Variants in TMEM132C observed in about 807,000 individuals in gnomAD.
The protein encoded by TMEM132C is transmembrane protein 132C, also known as protein phosphatase 1, regulatory subunit 152.
TMEM132C carries 29 observed loss-of-function variants against 61.4 expected under a neutral mutation model. The ratio of observed to expected loss-of-function variants is 0.47; its 90% CI spans 0.35 to 0.64. The LOEUF is 0.64. Among genes scored for constraint, TMEM132C ranks in the 30% least tolerant of loss-of-function variants. The probability of loss-of-function intolerance (pLI) is 0.00; values close to 1 mark genes in which losing one functional copy is unlikely to be tolerated. For synonymous variants in TMEM132C, 656 were observed against 633.1 expected (o/e 1.04, Z -0.54); for missense variants, 1,408 against 1,476.9 (o/e 0.95, Z 0.76).
intron 1 of TMEM132C, among the ~76,000 whole-genome samples, chr12:128,272,567 T>C (rs562673431): frequency 6.6e-6 from 1 of 152,380 alleles, no homozygotes; most frequent in South Asian, 2.1e-4. Context: ...ACTGTATATA[T>C]AACTTCATAA....
Position 128,414,932 on chromosome 12 carries a change from A to G in TMEM132C, c.286A>G (p.Asn96Asp), listed in dbSNP as rs1260039292. 6.4e-7 allele frequency: 1 copy of G among 1,551,642 alleles called. No individual in the cohort carries two copies. The highest frequency in any genetic ancestry group is 1.4e-5 in the African/African-American group (1 of 73,024). Reference protein sequence around the residue: ...TYKTRQPPVLNASYGPFSVEK... With the variant: ...TYKTRQPPVLDASYGPFSVEK... ...CAAAACCAGGCAGCCCCCAGTGCTCAATGCCAGCTATGGACCCTTTTCTGT... is the reference window on the plus strand; with the variant it reads ...CAAAACCAGGCAGCCCCCAGTGCTCGATGCCAGCTATGGACCCTTTTCTGT... Residue 96 changes from asparagine to aspartate, a missense_variant, in exon 2 of 9, where the codon AAT (asparagine) becomes GAT (aspartate). Transcript: ENST00000435159.
Position 128,326,820 on chromosome 12 carries a change from G to T in TMEM132C, c.85+59333G>T, listed in dbSNP as rs899980728. 1.3e-5 allele frequency among the ~76,000 whole-genome samples: 2 copies of T among 149,776 alleles called. No individual in the cohort carries two copies. The highest frequency in any genetic ancestry group is 2.9e-5 in the Non-Finnish European group (2 of 67,996). On this transcript the variant is annotated intron_variant, in intron 1 of 8. Coordinates refer to ENST00000435159, the MANE Select transcript of TMEM132C (RefSeq NM_001136103.3). The surrounding 1 kb of genome is among the most constrained non-coding windows in gnomAD (Gnocchi z 5.6). ...TATTTTTTTTTTCTTTCTTAACAAC[G>T]TAGTAAAACAGCACTCAGGAATTAA... is the stretch of plus-strand genomic sequence containing the variant.
intron 1 of TMEM132C, among the ~76,000 whole-genome samples, chr12:128,412,744 G>A (rs1281162785): frequency 1.3e-5 from 2 of 152,028 alleles, no homozygotes; most frequent in Non-Finnish European, 2.9e-5. Flanking sequence ...ACCCAGTCTG[G>A]GGTATGTCTT....
At chr12:128,384,581 C>T (rs1874518216) in intron 1 of TMEM132C, among the ~76,000 whole-genome samples, 1 of 152,166 alleles carries the variant, frequency 6.6e-6, no homozygotes. Flanking sequence ...GGTGAGGCCA[C>T]TGTGTTGGGG....
chr12:128,491,241 T>A (rs1871707873), intron 2 of TMEM132C, among the ~76,000 whole-genome samples: 1 of 152,232 alleles, frequency 6.6e-6, no homozygotes, highest in African/African-American at 2.4e-5. Context: ...AGGGGTCAGA[T>A]GAATTTCACC....
chr12:128,278,064 T>C lies in TMEM132C; in HGVS notation c.85+10577T>C, dbSNP rs1193768825. Among the ~76,000 whole-genome samples the C allele has an allele frequency of 1.3e-5, 2 of 152,084 alleles. No homozygotes were observed. The highest frequency in any genetic ancestry group is 6.5e-5 in the Admixed American group (1 of 15,270). ...CCTCAGGTGCTCACCCCCAGGACTG[T>C]GGGATCCCTGGGCTGAGTTGCTAAA... On this transcript the variant is annotated intron_variant, in intron 1 of 8. Transcript: ENST00000435159. This position sits in a 1 kb window ranked among gnomAD's most constrained non-coding sequence, Gnocchi z 4.2.
At chr12:128,414,520 A>G (rs1253142977) in intron 1 of TMEM132C, among the ~76,000 whole-genome samples, 1 of 152,082 alleles carries the variant, frequency 6.6e-6, no homozygotes, top group Non-Finnish European at 1.5e-5. Flanking sequence ...TCATTTTCAT[A>G]TGTTTCAACC....
intron 1 of TMEM132C, among the ~76,000 whole-genome samples, chr12:128,378,725 G>A (rs561828091): frequency 2.0e-5 from 3 of 152,166 alleles, no homozygotes; most frequent in South Asian, 4.2e-4. Context: ...TCCTCTGCTC[G>A]GGACAGCAAG....
chr12:128,341,809 C>T (rs893056744), intron 1 of TMEM132C, among the ~76,000 whole-genome samples: 10 of 152,164 alleles, frequency 6.6e-5, no homozygotes, highest in Non-Finnish European at 1.3e-4. Flanking sequence ...GCCCCTGCAC[C>T]ATTTCACTAC....
chr12:128,600,172 C>T (rs561111545), intron 3 of TMEM132C, among the ~76,000 whole-genome samples: 17 of 152,010 alleles, frequency 1.1e-4, no homozygotes, highest in Non-Finnish European at 1.9e-4. Context: ...TTAGTAGAGA[C>T]GAGGTTTCAC....
chr12:128,454,990 A>G (rs1017907003), intron 2 of TMEM132C, among the ~76,000 whole-genome samples: 7 of 152,224 alleles, frequency 4.6e-5, no homozygotes, highest in Admixed American at 3.3e-4. Flanking sequence ...GGCAGGGTTC[A>G]GATACTGTAT....
intron 1 of TMEM132C, among the ~76,000 whole-genome samples, chr12:128,327,761 A>G (rs1227471930): frequency 2.6e-5 from 4 of 152,144 alleles, no homozygotes; most frequent in Non-Finnish European, 5.9e-5. Context: ...TTCGGTCCAG[A>G]AAGGCACAAC....
chr12:128,640,827 A>G (rs1008202589), intron 4 of TMEM132C, among the ~76,000 whole-genome samples: 4 of 152,190 alleles, frequency 2.6e-5, no homozygotes, highest in Non-Finnish European at 5.9e-5. Flanking sequence ...GTTGGGCCGC[A>G]GTGAGCCATG....
At chr12:128,530,972 C>A (rs1386662126) in intron 2 of TMEM132C, among the ~76,000 whole-genome samples, 1 of 152,134 alleles carries the variant, frequency 6.6e-6, no homozygotes, top group Non-Finnish European at 1.5e-5. Flanking sequence ...ATGTAACAGC[C>A]AGAACACCAC....
In TMEM132C at chr12:128,468,535, T is replaced by C. The variant is rs12316604; in HGVS notation, c.974+52915T>C. ...GGTTTCTCCATGTTGGTCAGGTTGGTCTGGAACTCCCGACCTCAGGTGATC... is the reference window on the plus strand; with the variant it reads ...GGTTTCTCCATGTTGGTCAGGTTGGCCTGGAACTCCCGACCTCAGGTGATC... On this transcript the variant is annotated intron_variant, in intron 2 of 8. Transcript: ENST00000435159. Among the ~76,000 whole-genome samples the C allele has an allele frequency of 4.0e-3, 611 of 152,186 alleles. 4 individuals are homozygous for C. The highest frequency in any genetic ancestry group is 0.014 in the African/African-American group (579 of 41,530).
At chr12:128,408,367 A>T (rs1290608175) in intron 1 of TMEM132C, among the ~76,000 whole-genome samples, 2 of 152,222 alleles carry the variant, frequency 1.3e-5, no homozygotes, top group African/African-American at 2.4e-5. Context: ...CAGCTTGTTG[A>T]CAAATACTTC....
intron 1 of TMEM132C, among the ~76,000 whole-genome samples, chr12:128,348,937 T>G (rs1187562010): frequency 6.6e-6 from 1 of 152,174 alleles, no homozygotes; most frequent in African/African-American, 2.4e-5. Context: ...TGTTTTCTAT[T>G]TGAAAAATGC....
intron 8 of TMEM132C, among the ~76,000 whole-genome samples, chr12:128,703,256 C>G (rs1954815512): frequency 6.6e-6 from 1 of 152,050 alleles, no homozygotes; most frequent in Non-Finnish European, 1.5e-5. Flanking sequence ...GGTATTAAGC[C>G]TAGTACCCAT....
chr12:128,463,914 C>T (rs1322263182), intron 2 of TMEM132C, among the ~76,000 whole-genome samples: 1 of 152,276 alleles, frequency 6.6e-6, no homozygotes. Flanking sequence ...GCCACGGGCC[C>T]ACCTTGGATT....
Sources: gnomAD v4.1 joint callset for allele counts (sites outside exome capture counted in the v4.1 genomes callset) on GRCh38, gnomAD v4.1.1 for gene constraint, Gnocchi (gnomAD v3.1) non-coding constraint, MANE v1.5 for transcripts, NCBI Gene and HGNC (gene_info 2026-07-23, HGNC 2026-07-21) for gene names.